The following SAMSN1 variants were observed in gnomAD, a reference collection of about 807,000 sequenced individuals.
The protein encoded by SAMSN1 is SAM domain-containing protein SAMSN-1.
Under a neutral mutation model 42.0 loss-of-function variants are expected in SAMSN1, and 31 were observed. The observed-to-expected ratio is 0.74, with a 90% CI of 0.55 to 1.00. The LOEUF (loss-of-function observed/expected upper bound fraction) is 1.00. SAMSN1 is among the 50% of genes least tolerant of loss of function. The probability of loss-of-function intolerance (pLI) is 0.00; values close to 1 mark genes in which losing one functional copy is unlikely to be tolerated. For synonymous variants in SAMSN1, 178 were observed against 151.9 expected (o/e 1.17, Z -1.26); for missense variants, 464 against 439.4 (o/e 1.06, Z -0.50).
At chr21:14,589,604 AAAGCTTTTAAATC>A (rs1982019118) in intron 7 of SAMSN1, among the ~76,000 whole-genome samples, 1 of 152,124 alleles carries the variant, frequency 6.6e-6, no homozygotes, top group Non-Finnish European at 1.5e-5. Flanking sequence ...AAAGGCATTT[AAAGCTTTTAAATC>A]TCTCTTGATT....
intron 1 of SAMSN1, among the ~76,000 whole-genome samples, chr21:14,648,606 A>G (rs1231242193): frequency 7.2e-5 from 11 of 152,076 alleles, no homozygotes; most frequent in African/African-American, 2.4e-4. Flanking sequence ...AAAAGTGGGC[A>G]AAGGATATGA....
chr21:14,583,644 A>T (rs1390209162), upstream of SAMSN1: 1 of 716,922 alleles, frequency 1.4e-6, no homozygotes, highest in Non-Finnish European at 2.6e-6. Context: ...TTGAGTTCTT[A>T]CTTACGGAGG....
intron 1 of SAMSN1, among the ~76,000 whole-genome samples, chr21:14,521,440 C>A (rs1000181893): frequency 6.6e-6 from 1 of 152,076 alleles, no homozygotes; most frequent in African/African-American, 2.4e-5. Context: ...TTTGTCATAG[C>A]GTTAAGTAAG....
At chr21:14,587,748 T>TTTA (rs750643783), upstream of SAMSN1, among the ~76,000 whole-genome samples, 1 of 151,382 alleles carries the variant, frequency 6.6e-6, no homozygotes, top group Non-Finnish European at 1.5e-5. Context: ...CATCACCTTA[T>TTTA]TTATTTATTT....
chr21:14,530,486 A>G (rs565529892), intron 1 of SAMSN1, among the ~76,000 whole-genome samples: 109 of 152,314 alleles, frequency 7.2e-4, no homozygotes, highest in African/African-American at 2.5e-3. Context: ...AAACTTTCAT[A>G]GGAGAGAAAT....
At chr21:14,579,677 T>C (rs1399213633) in intron 2 of SAMSN1, among the ~76,000 whole-genome samples, 1 of 139,434 alleles carries the variant, frequency 7.2e-6, no homozygotes, top group Admixed American at 7.5e-5. Flanking sequence ...AGGCAGGGTC[T>C]CACTTTGTTT....
At chr21:14,499,271 T>C (rs945017003) in intron 6 of SAMSN1, among the ~76,000 whole-genome samples, 4 of 152,162 alleles carry the variant, frequency 2.6e-5, no homozygotes, top group Admixed American at 6.5e-5. Context: ...TTAAAATTCA[T>C]AGGTTTCCGA....
intron 2 of SAMSN1, among the ~76,000 whole-genome samples, chr21:14,618,268 A>T (rs1023656934): frequency 6.6e-6 from 1 of 152,220 alleles, no homozygotes; most frequent in African/African-American, 2.4e-5. Context: ...CTCTATTAAG[A>T]TGAAAGAGTT....
At chr21:14,491,602 T>A (rs1986687563) in intron 7 of SAMSN1, among the ~76,000 whole-genome samples, 1 of 152,252 alleles carries the variant, frequency 6.6e-6, no homozygotes, top group Non-Finnish European at 1.5e-5. Flanking sequence ...TATTTCAAGC[T>A]TCTGTGACTT....
intron 5 of SAMSN1, among the ~76,000 whole-genome samples, chr21:14,504,017 G>T (rs1987289482): frequency 6.6e-6 from 1 of 152,154 alleles, no homozygotes; most frequent in African/African-American, 2.4e-5. Context: ...AATCATTACA[G>T]ATTGCTCTCA....
At chr21:14,505,021 A>G (rs2123703347) in intron 5 of SAMSN1, among the ~76,000 whole-genome samples, 1 of 152,328 alleles carries the variant, frequency 6.6e-6, no homozygotes, top group South Asian at 2.1e-4. Flanking sequence ...TGAAGGAAAG[A>G]TACAGTCTTT....
chr21:14,604,924 G>A (rs1293969770), intron 5 of SAMSN1, among the ~76,000 whole-genome samples: 1 of 152,240 alleles, frequency 6.6e-6, no homozygotes, highest in Non-Finnish European at 1.5e-5. Context: ...TGATCTGCAA[G>A]TGTGTGAGCC....
At chr21:14,537,714 T>A (rs1979720281) in intron 1 of SAMSN1, among the ~76,000 whole-genome samples, 2 of 152,222 alleles carry the variant, frequency 1.3e-5, no homozygotes, top group African/African-American at 2.4e-5. Flanking sequence ...AGTTTTTTTT[T>A]TAAAGCTCTT....
intron 5 of SAMSN1, among the ~76,000 whole-genome samples, chr21:14,607,924 T>A (rs2123316380): frequency 6.6e-6 from 1 of 152,322 alleles, no homozygotes; most frequent in African/African-American, 2.4e-5. Flanking sequence ...ATAAATGGAA[T>A]GGCGGATGAA....
At chr21:14,558,657 G>C (rs148488653) in intron 2 of SAMSN1, among the ~76,000 whole-genome samples, 6 of 152,128 alleles carry the variant, frequency 3.9e-5, no homozygotes, top group Middle Eastern at 3.4e-3. Flanking sequence ...TGCCAGCCTG[G>C]GTGACAGAGT....
intron 1 of SAMSN1, among the ~76,000 whole-genome samples, chr21:14,541,797 G>T (rs1980049765): frequency 6.6e-6 from 1 of 152,072 alleles, no homozygotes; most frequent in South Asian, 2.1e-4. Flanking sequence ...AAAGTTGTTA[G>T]CCTGGACAAT....
At chr21:14,552,133 A>T (rs905521572) in intron 2 of SAMSN1, among the ~76,000 whole-genome samples, 2 of 152,230 alleles carry the variant, frequency 1.3e-5, no homozygotes, top group East Asian at 1.9e-4. Flanking sequence ...ATTCAGTATC[A>T]TGGGGACAAA....
At chr21:14,635,179 TA>T (rs919729493) in intron 2 of SAMSN1, among the ~76,000 whole-genome samples, 3 of 151,968 alleles carry the variant, frequency 2.0e-5, no homozygotes, top group African/African-American at 7.3e-5. Flanking sequence ...CAGGGACTGT[TA>T]GGGGGCAATG....
intron 1 of SAMSN1, among the ~76,000 whole-genome samples, chr21:14,530,132 C>T (rs942737461): frequency 7.9e-5 from 12 of 152,040 alleles, no homozygotes; most frequent in Middle Eastern, 3.4e-3. Context: ...CTGGCTAATA[C>T]GGTGAAACCC....
Sources: gnomAD v4.1 joint callset for allele counts (sites outside exome capture counted in the v4.1 genomes callset) on GRCh38, gnomAD v4.1.1 for gene constraint, MANE v1.5 for transcripts, NCBI Gene and HGNC (gene_info 2026-07-23, HGNC 2026-07-21) for gene names.